DISC1: variants seen among roughly 807,000 people sequenced by gnomAD.
The protein encoded by DISC1 is DISC1 scaffold protein.
A neutral mutation model predicts 84.5 loss-of-function variants in DISC1; 57 were observed. The observed-to-expected ratio is 0.67, with a 90% CI of 0.55 to 0.84. The LOEUF is 0.84. Ranked by LOEUF, DISC1 falls within the 40% of genes least tolerant of loss-of-function variation. The pLI is 0.00. For missense variants in DISC1, 1,000 were observed against 1,057.8 expected (o/e 0.95, Z 0.76); for synonymous variants, 411 against 415.2 (o/e 0.99, Z 0.12).
chr1:231,959,229 G>A (rs1408482136), intron 10 of DISC1: 2 of 1,010,138 alleles, frequency 2.0e-6, no homozygotes, highest in Non-Finnish European at 2.4e-6. Context: ...TTTGAGGGGG[G>A]TCTTAAGGAT....
At chr1:231,906,019 C>CTTTTTTT (rs5781677) in intron 9 of DISC1, among the ~76,000 whole-genome samples, 1 of 76,972 alleles carries the variant, frequency 1.3e-5, no homozygotes, top group Non-Finnish European at 2.4e-5. Flanking sequence ...GAGGTCATGG[C>CTTTTTTT]TTTTTTTTTT....
chr1:231,774,633 C>T, intron 6 of DISC1: 1 of 452,838 alleles, frequency 2.2e-6, no homozygotes, highest in Non-Finnish European at 4.4e-6. Context: ...CTTTCTTCCA[C>T]CGTAGGGAGG....
chr1:231,838,472 A>G (rs953158708), intron 9 of DISC1, among the ~76,000 whole-genome samples: 1 of 152,206 alleles, frequency 6.6e-6, no homozygotes, highest in Non-Finnish European at 1.5e-5. Context: ...TGTGACACAT[A>G]AGCGGAGAAA....
rs369654888 is a variant in DISC1 at position 231,773,623 on chromosome 1, A to C, written c.1634+2553A>C. ...ATGGTCTTAATTTCCTGACCTCATGATCTGCCCTCCTTGGCCTCCCAAAGT... is the reference window on the plus strand; with the variant it reads ...ATGGTCTTAATTTCCTGACCTCATGCTCTGCCCTCCTTGGCCTCCCAAAGT... On this transcript the variant is annotated intron_variant, in intron 6 of 12. Transcript: ENST00000439617. 5.9e-5 allele frequency among the ~76,000 whole-genome samples: 9 copies of C among 152,260 alleles called. No homozygotes were observed. In the East Asian group the frequency reaches 9.7e-4, roughly 16 times the overall value.
chr1:231,969,186 GTTTTTT>G (rs71573149), intron 10 of DISC1, among the ~76,000 whole-genome samples: 3 of 91,652 alleles, frequency 3.3e-5, no homozygotes, highest in Non-Finnish European at 6.2e-5. Flanking sequence ...ACACTCAGCG[GTTTTTT>G]TTTTTTTTTT....
intron 10 of DISC1, among the ~76,000 whole-genome samples, chr1:231,991,977 A>G (rs750700447): frequency 1.7e-4 from 26 of 152,144 alleles, no homozygotes; most frequent in Non-Finnish European, 2.8e-4. Flanking sequence ...AAGAGGTAAA[A>G]ATGGCTGTAT....
intron 9 of DISC1, among the ~76,000 whole-genome samples, chr1:231,955,615 A>G (rs933304985): frequency 1.1e-4 from 16 of 151,022 alleles, no homozygotes; most frequent in Middle Eastern, 3.4e-3. Flanking sequence ...TCAGCCTCCC[A>G]ACTAGGTGGG....
chr1:231,959,890 T>C (rs1040352995), intron 10 of DISC1, among the ~76,000 whole-genome samples: 4 of 152,206 alleles, frequency 2.6e-5, no homozygotes, highest in Admixed American at 6.5e-5. Flanking sequence ...CTCTCGCATG[T>C]GTTCGGGGCA....
intron 1 of DISC1, among the ~76,000 whole-genome samples, chr1:231,636,271 C>T (rs1465791021): frequency 6.6e-6 from 1 of 152,182 alleles, no homozygotes; most frequent in African/African-American, 2.4e-5. Context: ...ATTTTCTCCT[C>T]TGTAGGGTGG....
intron 9 of DISC1, among the ~76,000 whole-genome samples, chr1:231,875,756 C>T (rs911505780): frequency 1.3e-5 from 2 of 152,154 alleles, no homozygotes; most frequent in African/African-American, 4.8e-5. Flanking sequence ...TTGCTCTTCT[C>T]CTTCCTTCCA....
chr1:231,770,188 C>T (rs547695360), intron 5 of DISC1, among the ~76,000 whole-genome samples: 9 of 152,210 alleles, frequency 5.9e-5, no homozygotes, highest in East Asian at 5.8e-4. Flanking sequence ...GTGCACATGA[C>T]GGGCATTCAT....
At chr1:231,708,842 C>G (rs2124987422) in intron 3 of DISC1, among the ~76,000 whole-genome samples, 1 of 152,258 alleles carries the variant, frequency 6.6e-6, no homozygotes, top group Non-Finnish European at 1.5e-5. Context: ...GATGAGCGCT[C>G]TACACTTGGA....
At chr1:232,028,626 TG>T (rs1190993630) in intron 12 of DISC1, among the ~76,000 whole-genome samples, 1 of 152,160 alleles carries the variant, frequency 6.6e-6, no homozygotes, top group East Asian at 1.9e-4. Flanking sequence ...AAGGTTTTTA[TG>T]GGGGTTAAAT....
chr1:231,896,083 C>T (rs1034071758), intron 9 of DISC1, among the ~76,000 whole-genome samples: 1 of 152,136 alleles, frequency 6.6e-6, no homozygotes, highest in Non-Finnish European at 1.5e-5. Context: ...AACTTTCCTA[C>T]CACTACATTC....
intron 9 of DISC1, among the ~76,000 whole-genome samples, chr1:231,952,423 A>C (rs1005536511): frequency 6.6e-6 from 1 of 152,064 alleles, no homozygotes; most frequent in African/African-American, 2.4e-5. Flanking sequence ...GAAGGACTGA[A>C]CTCTGTTGAA....
chr1:231,652,065 C>T (rs2060671166), intron 1 of DISC1, among the ~76,000 whole-genome samples: 2 of 152,226 alleles, frequency 1.3e-5, no homozygotes, highest in Admixed American at 1.3e-4. Context: ...AATGCCCCGC[C>T]CTGCTTCGGC....
intron 6 of DISC1, among the ~76,000 whole-genome samples, chr1:231,792,767 G>A (rs2078446258): frequency 6.6e-6 from 1 of 152,182 alleles, no homozygotes; most frequent in African/African-American, 2.4e-5. Context: ...CTCCATGTCT[G>A]TGTGACACTC....
At position 231,873,330 on chromosome 1, in the gene DISC1, G is replaced by A. The variant is rs183488989; in HGVS notation, c.1981+54813G>A. Among the ~76,000 whole-genome samples the A allele has an allele frequency of 2.5e-4, 38 of 152,290 alleles. 1 individual carries two copies. In the East Asian group the frequency reaches 4.6e-3, roughly 19 times the overall value. ...ATTTCAAAGCCAAGAAGAGGTCATC[G>A]ATTTATAGTAGGGCTGCAGATCAGA... On this transcript the variant is annotated intron_variant, in intron 9 of 12. Transcript: ENST00000439617.
chr1:232,026,913 T>G (rs2103044795), intron 12 of DISC1, among the ~76,000 whole-genome samples: 1 of 152,138 alleles, frequency 6.6e-6, no homozygotes, highest in South Asian at 2.1e-4. Context: ...CACGCCCAGC[T>G]AATTTTTTTG....
Sources: allele counts gnomAD v4.1 joint callset (sites outside exome capture counted in the v4.1 genomes callset), GRCh38; gene constraint gnomAD v4.1.1; transcripts MANE v1.5; gene names NCBI Gene and HGNC (gene_info 2026-07-23, HGNC 2026-07-21).